Variants in KATNIP observed in about 807,000 individuals in gnomAD.
The protein encoded by KATNIP is katanin interacting protein, also known as katanin-interacting protein.
KATNIP carries 126 observed loss-of-function variants against 174.0 expected under a neutral mutation model. The ratio of observed to expected loss-of-function variants is 0.72; its 90% confidence interval spans 0.63 to 0.84. KATNIP has a LOEUF of 0.84. KATNIP is among the 40% of genes least tolerant of loss of function. KATNIP has a pLI of 0.00. For synonymous variants in KATNIP, 810 were observed against 835.7 expected (o/e 0.97, Z 0.53); for missense variants, 1,958 against 2,109.7 (o/e 0.93, Z 1.41).
intron 1 of KATNIP, among the ~76,000 whole-genome samples, chr16:27,562,984 T>C (rs917067491): frequency 6.6e-6 from 1 of 152,184 alleles, no homozygotes; most frequent in African/African-American, 2.4e-5. Context: ...CTTTCAGCAT[T>C]GTCTATTCAG....
rs192071591 is a variant in KATNIP, at chr16:27,722,700, G to C, written c.1743+1005G>C. The stretch of plus-strand genomic sequence containing the variant: ...TGCTAGAGACATTAGGGAGTGGTGG[G>C]GACTATGGCAGACTGGCAAGCCCAT... On this transcript the variant is annotated intron_variant, in intron 14 of 27. Coordinates refer to ENST00000261588, the MANE Select transcript of KATNIP (RefSeq NM_015202.5). Among the ~76,000 whole-genome samples the C allele has an allele frequency of 1.1e-3, 168 of 152,270 alleles. 2 individuals are homozygous for C. The highest frequency in any genetic ancestry group is 3.9e-3 in the African/African-American group (163 of 41,552).
chr16:27,579,999 G>T (rs1296521416), intron 2 of KATNIP, among the ~76,000 whole-genome samples: 1 of 151,942 alleles, frequency 6.6e-6, no homozygotes, highest in East Asian at 1.9e-4. Flanking sequence ...AGGATCCAGG[G>T]TGCCTCCAGG....
intron 3 of KATNIP, among the ~76,000 whole-genome samples, chr16:27,619,724 C>G (rs1176645127): frequency 6.6e-6 from 1 of 152,138 alleles, no homozygotes; most frequent in Non-Finnish European, 1.5e-5. Context: ...TTTCCAGATA[C>G]CTACCTACTG....
In KATNIP at chr16:27,754,205, T is replaced by C. The variant is rs1176647758; in HGVS notation, c.3585T>C (p.Pro1195=). Residue 1195 remains proline, a synonymous_variant, in exon 18 of 28, where the codon CCT becomes CCC. Transcript: ENST00000261588. ...IPELELPSSS[P]VPQVTTPEPG... is the part of the protein sequence containing the mutation. ...AGCTAGAGCTCCCATCCAGTTCCCCTGTCCCCCAAGTCACCACGCCAGAGC... is the reference window on the plus strand; with the variant it reads ...AGCTAGAGCTCCCATCCAGTTCCCCCGTCCCCCAAGTCACCACGCCAGAGC... The C allele has an allele frequency of 1.9e-6, 3 of 1,614,186 alleles. No homozygotes were observed. The South Asian group carries it at 3.3e-5, about 18-fold the overall frequency.
intron 22 of KATNIP, among the ~76,000 whole-genome samples, chr16:27,771,954 G>T (rs2082322517): frequency 6.6e-6 from 1 of 152,130 alleles, no homozygotes; most frequent in Admixed American, 6.5e-5. Flanking sequence ...GGGTGTCCTG[G>T]AACCAGCCAG....
chr16:27,764,289 G>GTTT (rs2082054965), intron 19 of KATNIP, among the ~76,000 whole-genome samples: 1 of 152,138 alleles, frequency 6.6e-6, no homozygotes. Flanking sequence ...TAAAACGTGT[G>GTTT]TTTCTTTTTA....
chr16:27,565,007 G>A (rs1002814031), intron 1 of KATNIP, among the ~76,000 whole-genome samples: 1 of 151,334 alleles, frequency 6.6e-6, no homozygotes, highest in African/African-American at 2.4e-5. Context: ...CAGGTGTTCC[G>A]CCTGCCTCGG....
chr16:27,681,709 T>A (rs1358849794), intron 8 of KATNIP, among the ~76,000 whole-genome samples, 179 bp downstream of exon 8: 1 of 151,280 alleles, frequency 6.6e-6, no homozygotes, highest in East Asian at 1.9e-4. Context: ...GGAGGGAGAG[T>A]GAGAGAGAGA....
At chr16:27,608,493 C>G (rs182932861) in intron 2 of KATNIP, among the ~76,000 whole-genome samples, 12 of 145,370 alleles carry the variant, frequency 8.3e-5, no homozygotes, top group Admixed American at 7.2e-4. Context: ...TTCTCCCTTA[C>G]GTCTACAGTG....
Position 27,713,660 on chromosome 16 carries a change from T to TAC in KATNIP, c.1605+4744_1605+4745dup, listed in dbSNP as rs1567335667. ...TTATATTTATGTGTGTGTATATATA[T>TAC]ACACATACATATTATATATATGTGT... On this transcript the variant is annotated intron_variant, in intron 13 of 27. Transcript: ENST00000261588. Among the ~76,000 whole-genome samples, 12 of 149,032 alleles carry TAC rather than the reference T, an allele frequency of 8.1e-5. 1 individual carries two copies. The highest frequency in any genetic ancestry group is 1.6e-4 in the Non-Finnish European group (11 of 67,292).
chr16:27,569,990 C>A (rs1444833141), intron 1 of KATNIP, among the ~76,000 whole-genome samples: 1 of 151,992 alleles, frequency 6.6e-6, no homozygotes, highest in African/African-American at 2.4e-5. Context: ...TCCAGTGATC[C>A]TCTTGCCTTG....
At chr16:27,671,971 G>A (rs1353762812) in intron 6 of KATNIP, among the ~76,000 whole-genome samples, 4 of 152,158 alleles carry the variant, frequency 2.6e-5, no homozygotes, top group Non-Finnish European at 4.4e-5. Flanking sequence ...CAGGAGAATC[G>A]CTTGAACCCG....
chr16:27,599,472 C>A (rs1420442916), intron 2 of KATNIP, among the ~76,000 whole-genome samples: 1 of 152,164 alleles, frequency 6.6e-6, no homozygotes, highest in Non-Finnish European at 1.5e-5. Context: ...CTCAGACCTG[C>A]TCTCCCTCCA....
intron 6 of KATNIP, among the ~76,000 whole-genome samples, chr16:27,664,970 A>G (rs1414265270): frequency 6.6e-6 from 1 of 152,160 alleles, no homozygotes; most frequent in Admixed American, 6.6e-5. Context: ...GTCCCCGGCT[A>G]TATTAAGTAA....
chr16:27,742,459 G>C (rs922379206), intron 15 of KATNIP, among the ~76,000 whole-genome samples: 13 of 152,156 alleles, frequency 8.5e-5, no homozygotes, highest in African/African-American at 1.7e-4. Flanking sequence ...TCCATCCACA[G>C]AACACTCAGG....
rs2082598440 is a variant in KATNIP, at chr16:27,778,809, G to A, written c.*180G>A. 1.8e-6 allele frequency: 1 copy of A among 553,482 alleles called. No individual in the cohort carries two copies. Among genetic ancestry groups the A allele is most frequent in the East Asian group, 3.1e-5 (1 of 31,988 alleles). The allele number at this position is 553,482 out of a possible 1,614,324, so 34.3% of individuals were successfully genotyped here. On this transcript the variant is annotated 3_prime_UTR_variant, in exon 28 of 28. Coordinates refer to ENST00000261588, the MANE Select transcript of KATNIP (RefSeq NM_015202.5). ...CCTGGATACTACCAGAGTGACAGAT[G>A]GCTGTGGCTGCAGGGCAAAGAGATC...
At chr16:27,693,651 G>T (rs1192106064) in intron 8 of KATNIP, among the ~76,000 whole-genome samples, 2 of 152,044 alleles carry the variant, frequency 1.3e-5, no homozygotes, top group Non-Finnish European at 2.9e-5. Context: ...AGCCTCCCAA[G>T]GTGCTGGGAT....
intron 11 of KATNIP, among the ~76,000 whole-genome samples, chr16:27,702,987 C>G (rs1025671941): frequency 1.3e-5 from 2 of 151,976 alleles, no homozygotes; most frequent in African/African-American, 4.8e-5. Flanking sequence ...GCCAACATGG[C>G]GAAAACCCAT....
At chr16:27,701,549 T>C in intron 10 of KATNIP, 40 bp from the exon 11 acceptor site, 12 of 1,492,106 alleles carry the variant, frequency 8.0e-6, no homozygotes, top group Non-Finnish European at 1.1e-5. Flanking sequence ...GCCAGGAGTG[T>C]TGCCTGAGAC....
Sources: gnomAD v4.1 joint callset for allele counts (sites outside exome capture counted in the v4.1 genomes callset) on GRCh38, gnomAD v4.1.1 for gene constraint, MANE v1.5 for transcripts, NCBI Gene and HGNC (gene_info 2026-07-23, HGNC 2026-07-21) for gene names.